The following POLA1 variants were observed in gnomAD, a reference collection of about 807,000 sequenced individuals.
POLA1 encodes the protein DNA polymerase alpha catalytic subunit.
A neutral mutation model predicts 124.0 loss-of-function variants in POLA1; 15 were observed. The ratio of observed to expected loss-of-function variants is 0.12; its 90% CI spans 0.08 to 0.19. The LOEUF is 0.19. POLA1 is among the 10% of genes least tolerant of loss of function. The pLI is 1.00. For synonymous variants in POLA1, 408 were observed against 389.4 expected (o/e 1.05, Z -0.56); for missense variants, 886 against 1,103.4 (o/e 0.80, Z 2.79).
At chrX:24,777,658 C>T (rs1449005187) in intron 26 of POLA1, among the ~76,000 whole-genome samples, 1 of 112,149 alleles carries the variant, frequency 8.9e-6, no homozygotes, top group Middle Eastern at 4.2e-3. Context: ...CTTTGGGGAT[C>T]TTGGGAAGAA....
intron 30 of POLA1, 21 bp downstream of exon 30, chrX:24,815,132 T>C: frequency 2.5e-6 from 3 of 1,185,683 alleles, no homozygotes; most frequent in Non-Finnish European, 3.4e-6. Context: ...CATTTATTGC[T>C]GAGCCCAGCT....
At chrX:24,861,606 C>T (rs752912794) in intron 34 of POLA1, among the ~76,000 whole-genome samples, 2 of 112,530 alleles carry the variant, frequency 1.8e-5, no homozygotes, top group Non-Finnish European at 3.8e-5. Flanking sequence ...ATATCCATCA[C>T]GATGTTTGTC....
intron 26 of POLA1, among the ~76,000 whole-genome samples, chrX:24,771,082 G>A (rs1282795803): frequency 2.7e-5 from 3 of 111,393 alleles, no homozygotes; most frequent in Non-Finnish European, 5.7e-5. Context: ...CCAGAATGCT[G>A]AAGGTTCTTG....
chrX:24,826,493 C>T lies in POLA1; in HGVS notation c.3628C>T (p.Leu1210=). ...APEQLQKQDN[L]TIDTQYYLAQ... is the part of the protein sequence containing the mutation. ...TGAGCAGCTGCAGAAACAGGATAAT[C>T]TAACCATTGACACCCAGTACTACCT... Residue 1210 remains leucine (L), a synonymous_variant, in exon 32 of 37, where the codon CTA becomes TTA. Coordinates refer to ENST00000379068, the MANE Select transcript of POLA1 (RefSeq NM_001330360.2). 2 of 1,205,596 alleles carry T rather than the reference C, an allele frequency of 1.7e-6. No individual in the cohort carries two copies. Among genetic ancestry groups the T allele is most frequent in the Non-Finnish European group, 1.1e-6 (1 of 890,585 alleles).
chrX:24,963,276 T>C (rs1250848924), intron 36 of POLA1, among the ~76,000 whole-genome samples: 3 of 112,076 alleles, frequency 2.7e-5, no homozygotes, highest in Non-Finnish European at 5.6e-5. Context: ...CTCAATGGCA[T>C]GTCTGATTCC....
At chrX:24,930,000 A>G (rs2047751249) in intron 35 of POLA1, among the ~76,000 whole-genome samples, 1 of 112,252 alleles carries the variant, frequency 8.9e-6, no homozygotes. Flanking sequence ...GGCACAGGCA[A>G]TGGATTGTCA....
At chrX:24,925,820 A>G (rs968272701) in intron 35 of POLA1, among the ~76,000 whole-genome samples, 42 of 111,204 alleles carry the variant, frequency 3.8e-4, no homozygotes, top group African/African-American at 1.1e-3. Context: ...GGCATGAGTG[A>G]GCTCAGCTCA....
chrX:24,866,089 C>T (rs1320715269), intron 34 of POLA1, among the ~76,000 whole-genome samples: 3 of 111,590 alleles, frequency 2.7e-5, no homozygotes, highest in African/African-American at 9.8e-5. Flanking sequence ...CCATATTTTC[C>T]ATCTGAATTT....
rs542976779 is a variant in POLA1 at position 24,916,121 on chromosome X, G to A, written c.4165-14332G>A. Among the ~76,000 whole-genome samples the A allele has an allele frequency of 1.2e-4, 13 of 111,385 alleles. No individual in the cohort carries two copies. In the South Asian group the frequency reaches 5.0e-3, roughly 43 times the overall value. The stretch of plus-strand genomic sequence containing the variant: ...AGATATTGGCATAACATAGGCTTGG[G>A]AATTGAAGAATTCCTATGTTGTTGA... On this transcript the variant is annotated intron_variant, in intron 35 of 36. Coordinates refer to ENST00000379068, the MANE Select transcript of POLA1 (RefSeq NM_001330360.2).
At chrX:24,952,211 G>GTTTTCCCTTATTTTTCCTC (rs2048056123) in intron 36 of POLA1, among the ~76,000 whole-genome samples, 2 of 112,023 alleles carry the variant, frequency 1.8e-5, no homozygotes, top group Non-Finnish European at 1.9e-5. Flanking sequence ...TATTTTTGCT[G>GTTTTCCCTTATTTTTCCTC]TTTTCCCTTA....
At chrX:24,718,790 G>T (rs1013169089) in intron 10 of POLA1, among the ~76,000 whole-genome samples, 2 of 111,967 alleles carry the variant, frequency 1.8e-5, no homozygotes, top group African/African-American at 6.5e-5. Context: ...ATCCAGGGCA[G>T]GGCTGCTAGT....
chrX:24,936,901 A>G (rs181957697), intron 36 of POLA1, among the ~76,000 whole-genome samples: 5 of 112,388 alleles, frequency 4.4e-5, no homozygotes, highest in Admixed American at 1.9e-4. Flanking sequence ...TTAATAAGTA[A>G]TAACAGGTAA....
chrX:24,973,589 G>C (rs765157479), intron 36 of POLA1, among the ~76,000 whole-genome samples: 9 of 111,377 alleles, frequency 8.1e-5, no homozygotes, highest in Non-Finnish European at 1.5e-4. Flanking sequence ...GGTTACCTGA[G>C]TATACAGCCT....
At chrX:24,705,786 C>G (rs1341401750) in intron 4 of POLA1, among the ~76,000 whole-genome samples, 7 of 109,665 alleles carry the variant, frequency 6.4e-5, no homozygotes, top group Admixed American at 2.0e-4. Context: ...GTCCCACAAT[C>G]TGAGTTTTGC....
At chrX:24,810,920 T>A (rs2045887385) in intron 28 of POLA1, 120 bp downstream of exon 28, 4 of 420,266 alleles carry the variant, frequency 9.5e-6, no homozygotes, top group Admixed American at 4.9e-5. Context: ...ATAAACTTGG[T>A]GTCTCTCAAT....
At chrX:24,811,782 A>G (rs1431226058) in intron 28 of POLA1, among the ~76,000 whole-genome samples, 1 of 111,559 alleles carries the variant, frequency 9.0e-6, no homozygotes, top group East Asian at 2.8e-4. Context: ...TGCATTTTAT[A>G]CATAAATACC....
rs773988452 is a variant in POLA1 at position 24,748,380 on chromosome X, A to G, written c.2761A>G (p.Ile921Val). ...SLEMGILPRE[I>V]RKLVERRKQV... Reference sequence around the variant, plus strand: ...AGAAATGGGCATTTTGCCCAGAGAGATCCGGAAACTGGTAGAACGGAGAAA... The same window carrying G: ...AGAAATGGGCATTTTGCCCAGAGAGGTCCGGAAACTGGTAGAACGGAGAAA... The change falls in exon 25 of 37, where the codon ATC becomes GTC. Residue 921 changes from isoleucine (I) to valine (V), a missense_variant. Transcript: ENST00000379068. 3 of 1,196,239 alleles carry G rather than the reference A, an allele frequency of 2.5e-6. No homozygotes were observed. The Admixed American group carries it at 6.6e-5, about 26-fold the overall frequency.
At chrX:24,711,912 T>G (rs1929475101) in intron 4 of POLA1, among the ~76,000 whole-genome samples, 1 of 112,014 alleles carries the variant, frequency 8.9e-6, no homozygotes, top group Admixed American at 9.4e-5. Flanking sequence ...ACACATAAAA[T>G]TTTATTAGCT....
chrX:24,980,667 C>CT (rs780833296), intron 36 of POLA1, among the ~76,000 whole-genome samples: 40 of 97,482 alleles, frequency 4.1e-4, no homozygotes, highest in East Asian at 2.2e-3. Flanking sequence ...TTGTATGTGG[C>CT]TTTTTTTTTT....
Sources: gnomAD v4.1 joint callset for allele counts (sites outside exome capture counted in the v4.1 genomes callset) on GRCh38, gnomAD v4.1.1 for gene constraint, MANE v1.5 for transcripts, NCBI Gene and HGNC (gene_info 2026-07-23, HGNC 2026-07-21) for gene names.